Variants in RIC1 observed in about 807,000 individuals in gnomAD.
RIC1 encodes RIC1 partner of RAB6A GEF complex, also known as guanine nucleotide exchange factor subunit RIC1.
Under a neutral mutation model 169.0 loss-of-function variants are expected in RIC1, and 88 were observed. That is an observed-to-expected ratio of 0.52 (90% CI 0.44 to 0.62). The LOEUF is 0.62. Among genes scored for constraint, RIC1 ranks in the 20% least tolerant of loss-of-function variants. RIC1 has a pLI of 0.00. For missense variants in RIC1, 1,877 were observed against 1,725.5 expected (o/e 1.09, Z -1.56); for synonymous variants, 790 against 601.5 (o/e 1.31, Z -4.59).
intron 3 of RIC1, among the ~76,000 whole-genome samples, chr9:5,712,138 A>G (rs957910581): frequency 1.3e-5 from 2 of 152,134 alleles, no homozygotes; most frequent in African/African-American, 2.4e-5. Flanking sequence ...CTAGATCCCT[A>G]AGGAATCGCC....
In RIC1 at chr9:5,720,754, T is replaced by C; in HGVS notation, c.720+4T>C. The C allele has an allele frequency of 3.1e-6, 5 of 1,589,642 alleles. No homozygotes were observed. The highest frequency in any genetic ancestry group is 3.4e-6 in the Non-Finnish European group (4 of 1,171,924). ...GTCAAGTAGATTTACTGCAGAGGTA[T>C]GACTTATTTACTTTGAAGGGTTTTT... is the stretch of plus-strand genomic sequence containing the variant. On this transcript the variant is annotated splice_donor_region_variant and intron_variant, in intron 6 of 25. Coordinates refer to ENST00000414202, the MANE Select transcript of RIC1 (RefSeq NM_020829.4).
At chr9:5,707,084 A>G (rs1343292590) in intron 3 of RIC1, among the ~76,000 whole-genome samples, 1 of 152,036 alleles carries the variant, frequency 6.6e-6, no homozygotes, top group African/African-American at 2.4e-5. Context: ...ATAACGTTGC[A>G]TGTTTGTTTT....
At chr9:5,665,988 C>T (rs1819730432) in intron 2 of RIC1, among the ~76,000 whole-genome samples, 2 of 152,180 alleles carry the variant, frequency 1.3e-5, no homozygotes, top group African/African-American at 2.4e-5. Flanking sequence ...TTCAGCCCCC[C>T]AATTGGTATG....
intron 23 of RIC1, 114 bp downstream of exon 23, chr9:5,770,392 T>G: frequency 1.1e-6 from 1 of 930,230 alleles, no homozygotes; most frequent in East Asian, 2.6e-5. Context: ...GATTAACCAT[T>G]TGTATCCACT....
chr9:5,714,560 A>G (rs1296371484), intron 4 of RIC1, among the ~76,000 whole-genome samples: 1 of 152,182 alleles, frequency 6.6e-6, no homozygotes, highest in Non-Finnish European at 1.5e-5. Context: ...GTTGTCACTT[A>G]GTTTAGCTGC....
chr9:5,717,892 G>C, intron 4 of RIC1, among the ~76,000 whole-genome samples: 1 of 149,582 alleles, frequency 6.7e-6, no homozygotes, highest in South Asian at 2.1e-4. Flanking sequence ...TGTAATCCCA[G>C]CACTTTGGAG....
At chr9:5,630,424 G>A (rs1364104512) in intron 1 of RIC1, among the ~76,000 whole-genome samples, 1 of 152,192 alleles carries the variant, frequency 6.6e-6, no homozygotes, top group Admixed American at 6.5e-5. Context: ...GATAGGTTGT[G>A]ATCTTGTCCT....
At chr9:5,727,024 T>C (rs1384751587) in intron 6 of RIC1, among the ~76,000 whole-genome samples, 1 of 152,150 alleles carries the variant, frequency 6.6e-6, no homozygotes, top group Non-Finnish European at 1.5e-5. Context: ...GTCTGACAAT[T>C]ATGTGTCTTG....
intron 1 of RIC1, among the ~76,000 whole-genome samples, chr9:5,636,756 T>C (rs1817990328): frequency 6.6e-6 from 1 of 152,232 alleles, no homozygotes; most frequent in South Asian, 2.1e-4. Flanking sequence ...TTTTAGGTTT[T>C]TCTAAATATA....
Position 5,738,365 on chromosome 9 carries a change from C to G in RIC1, c.813-85C>G, listed in dbSNP as rs1824860693. The stretch of plus-strand genomic sequence containing the variant: ...GGTTTTGTTCTAGTTTACACTCCCA[C>G]CAGCAAAACATAAGAGTTCTATAAT... On this transcript the variant is annotated intron_variant, in intron 7 of 25. Transcript: ENST00000414202. 2.6e-5 allele frequency: 23 copies of G among 901,818 alleles called. No individual in the cohort carries two copies. In the South Asian group the frequency reaches 2.8e-4, roughly 11 times the overall value. 55.9% of individuals were successfully genotyped at this position (901,818 alleles called of 1,614,324 possible). A position where few individuals can be genotyped will look rare whatever the true frequency, so the allele number is the denominator to read the frequency against.
At chr9:5,761,493 T>G (rs6477000) in intron 17 of RIC1, among the ~76,000 whole-genome samples, 61,660 of 151,944 alleles carry the variant, frequency 0.41, 12,850 homozygotes, top group East Asian at 0.59. Context: ...TTACTTGGAA[T>G]TCTTAAGAAT....
chr9:5,755,697 T>G (rs543658125), intron 15 of RIC1, among the ~76,000 whole-genome samples: 2 of 151,972 alleles, frequency 1.3e-5, no homozygotes, highest in Non-Finnish European at 2.9e-5. Context: ...CTAAGGCGGG[T>G]GGATCACCTG....
chr9:5,693,429 C>CA (rs921479398), intron 3 of RIC1, among the ~76,000 whole-genome samples: 15 of 152,226 alleles, frequency 9.9e-5, no homozygotes, highest in Non-Finnish European at 1.9e-4. Flanking sequence ...TGTTGGGAGT[C>CA]AGTCTATAAC....
chr9:5,777,750 A>AT (rs1220162860), downstream of RIC1, among the ~76,000 whole-genome samples: 1 of 152,228 alleles, frequency 6.6e-6, no homozygotes, highest in African/African-American at 2.4e-5. Context: ...TATGGAAAGG[A>AT]TTTTTTTCCC....
At position 5,770,085 on chromosome 9, in the gene RIC1, A is replaced by C; in HGVS notation, c.3425-2A>C. The C allele has an allele frequency of 6.2e-7, 1 of 1,609,238 alleles. No homozygotes were observed. The highest frequency in any genetic ancestry group is 8.5e-7 in the Non-Finnish European group (1 of 1,177,526). On this transcript the variant is annotated splice_acceptor_variant, in intron 22 of 25. Transcript: ENST00000414202. LOFTEE classifies it high-confidence loss of function. ...TTTTTTGTTTTCGGACCCACTCTGC[A>C]GTGGGAGAGCAGCTGTTAAAGTCTC...
intron 3 of RIC1, among the ~76,000 whole-genome samples, chr9:5,710,542 C>G (rs888241964): frequency 1.3e-5 from 2 of 152,160 alleles, no homozygotes; most frequent in Non-Finnish European, 2.9e-5. Flanking sequence ...CACCAGTTGA[C>G]AGCCTGCAGA....
At chr9:5,733,191 TG>T (rs1241596218) in intron 7 of RIC1, among the ~76,000 whole-genome samples, 2 of 152,002 alleles carry the variant, frequency 1.3e-5, no homozygotes, top group Admixed American at 1.3e-4. Context: ...AAATGAGACT[TG>T]GTTGTTCTAT....
At chr9:5,736,433 T>G (rs1824710438) in intron 7 of RIC1, among the ~76,000 whole-genome samples, 2 of 152,194 alleles carry the variant, frequency 1.3e-5, no homozygotes, top group African/African-American at 4.8e-5. Flanking sequence ...AGAAACAAAA[T>G]TATCTCTCTG....
intron 3 of RIC1, among the ~76,000 whole-genome samples, chr9:5,701,170 G>A (rs1822194482): frequency 6.6e-6 from 1 of 152,198 alleles, no homozygotes; most frequent in Non-Finnish European, 1.5e-5. Context: ...TCTTCTGTTT[G>A]AGACCTATAG....
Sources: gnomAD v4.1 joint callset for allele counts (sites outside exome capture counted in the v4.1 genomes callset) on GRCh38, gnomAD v4.1.1 for gene constraint, MANE v1.5 for transcripts, NCBI Gene and HGNC (gene_info 2026-07-23, HGNC 2026-07-21) for gene names.